EVL: variants seen among roughly 807,000 people sequenced by gnomAD.
EVL encodes ena/VASP-like protein.
Under a neutral mutation model 59.6 loss-of-function variants are expected in EVL, and 21 were observed. The ratio of observed to expected loss-of-function variants is 0.35; its 90% CI spans 0.25 to 0.51. EVL has a LOEUF of 0.51. Ranked by LOEUF, EVL falls within the 20% of genes least tolerant of loss-of-function variation. EVL has a pLI of 0.97. For missense variants in EVL, 462 were observed against 546.6 expected (o/e 0.85, Z 1.54); for synonymous variants, 198 against 203.5 (o/e 0.97, Z 0.23).
chr14:100,004,725 C>G (rs1595556656), intron 1 of EVL, among the ~76,000 whole-genome samples: 2 of 151,954 alleles, frequency 1.3e-5, no homozygotes, highest in Non-Finnish European at 2.9e-5. Context: ...GCTTTCTTAC[C>G]AAAAAATACC....
chr14:100,102,573 G>A lies in EVL; in HGVS notation c.358+4915G>A, dbSNP rs75785874. 6.8e-3 allele frequency: 2,355 copies of A among 347,656 alleles called. 23 individuals carry two copies. Among genetic ancestry groups the A allele is most frequent in the African/African-American group, 0.033 (1,510 of 46,420 alleles). 21.5% of individuals were successfully genotyped at this position (347,656 alleles called of 1,614,324 possible). A position where few individuals can be genotyped will look rare whatever the true frequency, so the allele number is the denominator to read the frequency against. The stretch of plus-strand genomic sequence containing the variant: ...GTCACAGATTCCTTGGCTCTTCCTC[G>A]TCTGGCTTCTGAAAGAGACGCCATC... On this transcript the variant is annotated intron_variant, in intron 3 of 13. Coordinates refer to ENST00000392920, the MANE Select transcript of EVL (RefSeq NM_016337.3).
intron 1 of EVL, among the ~76,000 whole-genome samples, chr14:100,028,130 G>GTTTGTTT (rs1555413980): frequency 2.0e-4 from 20 of 99,614 alleles, no homozygotes; most frequent in African/African-American, 7.8e-4. Context: ...TTTTTTGTTT[G>GTTTGTTT]TTTGTTTTTT....
At chr14:100,080,782 T>C (rs2062283283) in intron 1 of EVL, among the ~76,000 whole-genome samples, 1 of 152,198 alleles carries the variant, frequency 6.6e-6, no homozygotes, top group Non-Finnish European at 1.5e-5. Context: ...CTTAACACCA[T>C]GCAGAACAAA....
intron 1 of EVL, among the ~76,000 whole-genome samples, chr14:100,010,661 T>A (rs1324106844): frequency 6.6e-6 from 1 of 152,238 alleles, no homozygotes; most frequent in Non-Finnish European, 1.5e-5. Flanking sequence ...CCTCCTAAAA[T>A]GCTGGGATTA....
chr14:100,010,492 C>G (rs1475134329), intron 1 of EVL, among the ~76,000 whole-genome samples: 2 of 152,148 alleles, frequency 1.3e-5, no homozygotes, highest in Non-Finnish European at 2.9e-5. Flanking sequence ...TTCACTGCAG[C>G]CTCCACAATT....
chr14:100,130,171 C>T lies in EVL; in HGVS notation c.839+487C>T, dbSNP rs532182436. ...GGAGCCCAGAGGGCATTGCCCTGAG[C>T]GACGGAGAGAGAGTAGTTCCATCTA... is the stretch of plus-strand genomic sequence containing the variant. On this transcript the variant is annotated intron_variant, in intron 7 of 13. Coordinates refer to ENST00000392920, the MANE Select transcript of EVL (RefSeq NM_016337.3). The surrounding 1 kb of genome is among the most constrained non-coding windows in gnomAD (Gnocchi z 4.8). 2.0e-5 allele frequency among the ~76,000 whole-genome samples: 3 copies of T among 152,242 alleles called. No homozygotes were observed. The highest frequency in any genetic ancestry group is 4.8e-5 in the African/African-American group (2 of 41,536).
At chr14:100,069,052 C>T (rs997364839) in intron 1 of EVL, among the ~76,000 whole-genome samples, 1 of 152,278 alleles carries the variant, frequency 6.6e-6, no homozygotes, top group Non-Finnish European at 1.5e-5. Context: ...TGTCTTTACC[C>T]CTCAAGAATG....
Position 100,094,698 on chromosome 14 carries a change from C to G in EVL, c.181-2783C>G, listed in dbSNP as rs757435277. 5.9e-5 allele frequency among the ~76,000 whole-genome samples: 9 copies of G among 151,788 alleles called. 1 individual carries two copies. The South Asian group carries it at 6.2e-4, about 11-fold the overall frequency. ...GGTGGAGGCTGCAGTGAGCCAAGAT[C>G]GTGCCACTGCACTCCAGCCTGGGCG... is the stretch of plus-strand genomic sequence containing the variant. On this transcript the variant is annotated intron_variant, in intron 2 of 13. Coordinates refer to ENST00000392920, the MANE Select transcript of EVL (RefSeq NM_016337.3).
chr14:100,110,859 G>A (rs983332463), intron 3 of EVL, among the ~76,000 whole-genome samples: 2 of 152,232 alleles, frequency 1.3e-5, no homozygotes, highest in Middle Eastern at 3.2e-3. Context: ...GTCTTCTGTA[G>A]ATACAGCCCA....
At chr14:99,987,535 G>A (rs1294814191) in intron 1 of EVL, among the ~76,000 whole-genome samples, 1 of 152,186 alleles carries the variant, frequency 6.6e-6, no homozygotes, top group East Asian at 1.9e-4. Flanking sequence ...CCAGCTACTT[G>A]GGAGACTGAG....
intron 1 of EVL, among the ~76,000 whole-genome samples, chr14:100,026,337 G>C (rs2061212377): frequency 6.6e-6 from 1 of 151,860 alleles, no homozygotes; most frequent in Non-Finnish European, 1.5e-5. Flanking sequence ...AATGAGAACA[G>C]ACACTCAGAG....
chr14:100,133,399 C>G (rs1219569236), intron 8 of EVL, among the ~76,000 whole-genome samples: 1 of 152,218 alleles, frequency 6.6e-6, no homozygotes, highest in Non-Finnish European at 1.5e-5. Context: ...TTAGCCTTAA[C>G]TACAAATGCC....
At chr14:100,099,870 G>C (rs1300748872) in intron 3 of EVL, among the ~76,000 whole-genome samples, 1 of 151,612 alleles carries the variant, frequency 6.6e-6, no homozygotes, top group African/African-American at 2.4e-5. Flanking sequence ...ACTGCGCCCG[G>C]CCCAGCTTTA....
At chr14:100,003,464 T>C (rs2060958696) in intron 1 of EVL, among the ~76,000 whole-genome samples, 1 of 152,228 alleles carries the variant, frequency 6.6e-6, no homozygotes. Flanking sequence ...TTGCCCTGGC[T>C]AGAGTGCAAT....
At chr14:100,124,292 C>T (rs1887888474) in intron 4 of EVL, among the ~76,000 whole-genome samples, 3 of 152,208 alleles carry the variant, frequency 2.0e-5, no homozygotes, top group Admixed American at 6.5e-5. Flanking sequence ...TCTGTGGCTA[C>T]ACTTATGTCC....
chr14:99,994,368 T>C (rs1379423762), intron 1 of EVL, among the ~76,000 whole-genome samples: 4 of 152,042 alleles, frequency 2.6e-5, no homozygotes, highest in Non-Finnish European at 5.9e-5. Context: ...GTTGCTGCTT[T>C]TGTGTTTTAT....
Position 100,039,221 on chromosome 14 carries a change from A to G in EVL, c.6-45466A>G, listed in dbSNP as rs566667049. Among the ~76,000 whole-genome samples the G allele has an allele frequency of 2.6e-5, 4 of 152,316 alleles. No homozygotes were observed. In the South Asian group the frequency reaches 8.3e-4, roughly 32 times the overall value. ...AGTTCAGTTATTTTCTAGTTAAAAC[A>G]ATCCTTGTTAGAGGCCATTTATTTA... On this transcript the variant is annotated intron_variant, in intron 1 of 13. Coordinates refer to the EVL transcript ENST00000402714.
At chr14:100,094,627 C>G (rs907214221) in intron 2 of EVL, among the ~76,000 whole-genome samples, 1 of 152,048 alleles carries the variant, frequency 6.6e-6, no homozygotes, top group African/African-American at 2.4e-5. Context: ...ACCTGTAGTC[C>G]CAGCTACTCA....
chr14:100,004,520 A>G (rs1046335521), intron 1 of EVL, among the ~76,000 whole-genome samples: 2 of 152,068 alleles, frequency 1.3e-5, no homozygotes, highest in Admixed American at 1.3e-4. Flanking sequence ...TAGAAAGACC[A>G]TTTTAATTTC....
Sources: gnomAD v4.1 joint callset for allele counts (sites outside exome capture counted in the v4.1 genomes callset) on GRCh38, gnomAD v4.1.1 for gene constraint, Gnocchi (gnomAD v3.1) non-coding constraint, MANE v1.5 for transcripts, NCBI Gene and HGNC (gene_info 2026-07-23, HGNC 2026-07-21) for gene names.